ADCY2: variants seen among roughly 807,000 people sequenced by gnomAD.
ADCY2 encodes the protein adenylate cyclase type 2.
Under a neutral mutation model 125.2 loss-of-function variants are expected in ADCY2, and 31 were observed. The ratio of observed to expected loss-of-function variants is 0.25; its 90% CI spans 0.19 to 0.33. The LOEUF (loss-of-function observed/expected upper bound fraction) is 0.33. Ranked by LOEUF, ADCY2 falls within the 10% of genes least tolerant of loss-of-function variation. The pLI is 1.00. For synonymous variants in ADCY2, 512 were observed against 548.4 expected (o/e 0.93, Z 0.93); for missense variants, 904 against 1,418.2 (o/e 0.64, Z 5.82).
Position 7,695,880 on chromosome 5 carries a change from C to A in ADCY2, c.981+17C>A. ...ATTGCAAAGGTGAGTATTATGGATT[C>A]TTTTCTTCTCTGAAGATTTCTAAAC... On this transcript the variant is annotated intron_variant, in intron 6 of 24. Coordinates refer to ENST00000338316, the MANE Select transcript of ADCY2 (RefSeq NM_020546.3). 6.5e-7 allele frequency: 1 copy of A among 1,534,462 alleles called. No individual in the cohort carries two copies. The highest frequency in any genetic ancestry group is 1.2e-5 in the South Asian group (1 of 86,526).
chr5:7,702,852 A>G (rs914749258), intron 7 of ADCY2, among the ~76,000 whole-genome samples: 1 of 152,178 alleles, frequency 6.6e-6, no homozygotes, highest in African/African-American at 2.4e-5. Context: ...CAACAGTGTA[A>G]AAGTGTTCCT....
intron 3 of ADCY2, among the ~76,000 whole-genome samples, chr5:7,599,277 G>A (rs973182187): frequency 4.6e-5 from 7 of 152,188 alleles, no homozygotes; most frequent in Non-Finnish European, 8.8e-5. Context: ...AGTTGATTGA[G>A]AAATAGAGTA....
chr5:7,545,159 T>G (rs1735109581), intron 3 of ADCY2, among the ~76,000 whole-genome samples: 1 of 152,180 alleles, frequency 6.6e-6, no homozygotes, highest in African/African-American at 2.4e-5. Flanking sequence ...CACCCTTAAG[T>G]GGATGGGATA....
At chr5:7,422,223 T>A (rs1740230794) in intron 2 of ADCY2, among the ~76,000 whole-genome samples, 1 of 152,136 alleles carries the variant, frequency 6.6e-6, no homozygotes, top group Non-Finnish European at 1.5e-5. Context: ...TTTTTTTAAT[T>A]GAGATGGGGG....
At chr5:7,508,435 C>T (rs1743929370) in intron 2 of ADCY2, among the ~76,000 whole-genome samples, 1 of 152,182 alleles carries the variant, frequency 6.6e-6, no homozygotes, top group African/African-American at 2.4e-5. Context: ...GAAGGATGAA[C>T]TCCAGAATTT....
At chr5:7,694,671 CATCT>C (rs1489074570) in intron 5 of ADCY2, among the ~76,000 whole-genome samples, 4 of 152,176 alleles carry the variant, frequency 2.6e-5, no homozygotes, top group Non-Finnish European at 5.9e-5. Flanking sequence ...TTTATTCATC[CATCT>C]GTCAATGGAC....
chr5:7,789,814 G>T lies in ADCY2; in HGVS notation c.2628+14G>T, dbSNP rs570526617. The T allele has an allele frequency of 2.1e-5, 31 of 1,488,848 alleles. No individual in the cohort carries two copies. In the African/African-American group the frequency reaches 4.1e-4, roughly 20 times the overall value. The allele number at this position is 1,488,848 out of a possible 1,614,324, so 92.2% of individuals were successfully genotyped here. On this transcript the variant is annotated intron_variant, in intron 20 of 24. Transcript: ENST00000338316. ...CTGAAGAATGAGGTCAGACCAGGGG[G>T]GCTGGGGGCTGGGGGAGGGGGCTGG...
intron 4 of ADCY2, among the ~76,000 whole-genome samples, chr5:7,688,753 A>G (rs967641260): frequency 6.6e-6 from 1 of 152,214 alleles, no homozygotes; most frequent in African/African-American, 2.4e-5. Flanking sequence ...GCCTCACTGT[A>G]GTGTACGCTC....
chr5:7,430,535 C>CTA (rs1036373917), intron 2 of ADCY2, among the ~76,000 whole-genome samples: 31 of 140,458 alleles, frequency 2.2e-4, no homozygotes, highest in African/African-American at 5.1e-4. Flanking sequence ...TATATATATA[C>CTA]TATATATATA....
intron 2 of ADCY2, among the ~76,000 whole-genome samples, chr5:7,489,377 C>T (rs185552058): frequency 3.3e-5 from 5 of 152,338 alleles, no homozygotes; most frequent in African/African-American, 9.6e-5. Context: ...CACCTTGCCA[C>T]TCAGCCCTTC....
intron 15 of ADCY2, chr5:7,746,256 C>T (rs990822975): frequency 2.0e-5 from 3 of 152,510 alleles, no homozygotes; most frequent in African/African-American, 2.4e-5. Context: ...GAAGCCTAGA[C>T]GTGGCGACAC....
chr5:7,482,670 ACCT>A, intron 2 of ADCY2, among the ~76,000 whole-genome samples: 1 of 151,758 alleles, frequency 6.6e-6, no homozygotes, highest in East Asian at 1.9e-4. Flanking sequence ...TCAAAGAGAT[ACCT>A]GCACCTTGAT....
intron 2 of ADCY2, among the ~76,000 whole-genome samples, chr5:7,504,521 T>G (rs1219043374): frequency 6.6e-6 from 1 of 152,202 alleles, no homozygotes; most frequent in African/African-American, 2.4e-5. Context: ...AGTAAAGTCA[T>G]TATCACCTTA....
intron 19 of ADCY2, among the ~76,000 whole-genome samples, chr5:7,787,287 G>A (rs1312881793): frequency 1.3e-5 from 2 of 152,144 alleles, no homozygotes; most frequent in Admixed American, 6.5e-5. Flanking sequence ...TCTGCTAGAC[G>A]CCTGCGCATG....
intron 3 of ADCY2, among the ~76,000 whole-genome samples, chr5:7,612,934 TG>T (rs1737617028): frequency 6.6e-6 from 1 of 152,048 alleles, no homozygotes; most frequent in African/African-American, 2.4e-5. Context: ...GAGAATGGCG[TG>T]AACCCGGGAG....
chr5:7,613,121 A>C (rs1433578150), intron 3 of ADCY2, among the ~76,000 whole-genome samples: 1 of 151,946 alleles, frequency 6.6e-6, no homozygotes, highest in Non-Finnish European at 1.5e-5. Context: ...ACAAACCTGC[A>C]CATTGTACAC....
intron 2 of ADCY2, among the ~76,000 whole-genome samples, chr5:7,487,519 C>G (rs1425707838): frequency 6.6e-6 from 1 of 152,176 alleles, no homozygotes; most frequent in Admixed American, 6.5e-5. Context: ...TCTCCTTTGC[C>G]ACCCAGAGCC....
At chr5:7,717,287 G>T in intron 12 of ADCY2, 50 bp downstream of exon 12, 2 of 1,366,328 alleles carry the variant, frequency 1.5e-6, no homozygotes, top group Non-Finnish European at 2.1e-6. Flanking sequence ...TTATGTTCCA[G>T]TTGTATTTTA....
intron 3 of ADCY2, among the ~76,000 whole-genome samples, chr5:7,611,493 A>G (rs1181614424): frequency 2.0e-5 from 3 of 152,154 alleles, no homozygotes; most frequent in Admixed American, 6.5e-5. Context: ...GGTTTATTAT[A>G]TAATATATCC....
Sources: allele counts gnomAD v4.1 joint callset (sites outside exome capture counted in the v4.1 genomes callset), GRCh38; gene constraint gnomAD v4.1.1; transcripts MANE v1.5; gene names NCBI Gene and HGNC (gene_info 2026-07-23, HGNC 2026-07-21).